Variants in PIKFYVE observed in about 807,000 individuals in gnomAD.
The protein encoded by PIKFYVE is phosphoinositide kinase, FYVE-type zinc finger containing.
In PIKFYVE, 122 loss-of-function variants were observed where a neutral mutation model predicts 257.9. The ratio of observed to expected loss-of-function variants is 0.47; its 90% CI spans 0.41 to 0.55. The LOEUF (loss-of-function observed/expected upper bound fraction) is 0.55, where lower values mean the gene tolerates loss of function less well. Among genes scored for constraint, PIKFYVE ranks in the 20% least tolerant of loss-of-function variants. The pLI is 0.00. For synonymous variants in PIKFYVE, 892 were observed against 868.9 expected, an observed-to-expected ratio of 1.03 and a Z score of -0.47; for missense variants, 2,160 against 2,536.6, an observed-to-expected ratio of 0.85 and a Z score of 3.19.
At chr2:208,288,930 T>G in intron 7 of PIKFYVE, 112 bp downstream of exon 7, 1 of 1,324,818 alleles carries the variant, frequency 7.5e-7, no homozygotes. Flanking sequence ...CTTCCGTAGC[T>G]CTAAAAGCTG....
chr2:208,333,271 A>G (rs369961379), intron 23 of PIKFYVE, 44 bp from the exon 24 acceptor site: 26 of 1,555,766 alleles, frequency 1.7e-5, no homozygotes, highest in Non-Finnish European at 2.3e-5. Context: ...TGAAAAAGAG[A>G]TTCTCAATAT....
At chr2:208,274,207 G>T (rs904068096) in intron 3 of PIKFYVE, among the ~76,000 whole-genome samples, 3 of 152,174 alleles carry the variant, frequency 2.0e-5, no homozygotes, top group African/African-American at 4.8e-5. Context: ...CAAACTGTCA[G>T]TGTGGCTGAA....
At chr2:208,291,284 G>A (rs1205007301) in intron 7 of PIKFYVE, among the ~76,000 whole-genome samples, 1 of 152,120 alleles carries the variant, frequency 6.6e-6, no homozygotes, top group African/African-American at 2.4e-5. Context: ...GTAACTTGAT[G>A]TGATGGGTTA....
chr2:208,276,952 C>A, intron 4 of PIKFYVE, 122 bp downstream of exon 4: 1 of 730,932 alleles, frequency 1.4e-6, no homozygotes, highest in Non-Finnish European at 2.3e-6. Context: ...CAGCTGTGAG[C>A]ACCCTATTTT....
intron 2 of PIKFYVE, 73 bp downstream of exon 2, chr2:208,271,764 CA>C: frequency 7.1e-7 from 1 of 1,418,040 alleles, no homozygotes; most frequent in South Asian, 1.2e-5. Context: ...TCCAGTGGCT[CA>C]CCATGATCAT....
intron 31 of PIKFYVE, 35 bp downstream of exon 31, chr2:208,340,166 G>A: frequency 1.2e-6 from 2 of 1,610,780 alleles, no homozygotes; most frequent in Non-Finnish European, 1.7e-6. Flanking sequence ...TCTTAGCAGG[G>A]GGGTTATTTT....
In PIKFYVE at chr2:208,328,085, T is replaced by C. The variant is rs182837124; in HGVS notation, c.3619-95T>C. 1.5e-3 allele frequency: 2,459 copies of C among 1,597,634 alleles called. 7 individuals carry two copies. Among genetic ancestry groups the C allele is most frequent in the Non-Finnish European group, 1.8e-3 (2,124 of 1,171,908 alleles). On this transcript the variant is annotated intron_variant, in intron 20 of 41. Coordinates refer to ENST00000264380, the MANE Select transcript of PIKFYVE (RefSeq NM_015040.4). ...TTGACCAGAGCCCCCACAGTGATAA[T>C]TGGAGGCTTTACAAATAGAGTGGAG... is the stretch of plus-strand genomic sequence containing the variant.
intron 5 of PIKFYVE, among the ~76,000 whole-genome samples, chr2:208,282,897 G>A (rs559405321): frequency 7.2e-5 from 11 of 152,228 alleles, no homozygotes; most frequent in South Asian, 2.1e-4. Context: ...TTAGATTCTC[G>A]TAAGGAACGT....
At chr2:208,342,317 T>C (rs1698787610) in intron 31 of PIKFYVE, among the ~76,000 whole-genome samples, 1 of 152,202 alleles carries the variant, frequency 6.6e-6, no homozygotes, top group Non-Finnish European at 1.5e-5. Context: ...TTGAGATTAG[T>C]GTGGCCAGAG....
At chr2:208,329,283 G>GTC (rs1178997954) in intron 21 of PIKFYVE, among the ~76,000 whole-genome samples, 1 of 152,152 alleles carries the variant, frequency 6.6e-6, no homozygotes, top group Non-Finnish European at 1.5e-5. Flanking sequence ...TCTTCTAGTA[G>GTC]TATAGCTTCA....
chr2:208,354,097 T>C lies in PIKFYVE; in HGVS notation c.6044T>C (p.Ile2015Thr). The C allele has an allele frequency of 6.2e-7, 1 of 1,613,998 alleles. No homozygotes were observed. The highest frequency in any genetic ancestry group is 8.5e-7 in the Non-Finnish European group (1 of 1,179,914). Residue 2015 changes from isoleucine to threonine, a missense_variant, in exon 40 of 42, where the codon ATA becomes ACA. Transcript: ENST00000264380. ...DSHFLSSHLI[I>T]DYSLLVGRDD... ...CATTTCCTTTCTAGCCACCTCATTA[T>C]AGATTATTCTTTGCTGGTTGGGCGA...
chr2:208,326,403 C>A lies in PIKFYVE; in HGVS notation c.3592C>A (p.Leu1198Met). The A allele has an allele frequency of 1.2e-6, 2 of 1,614,002 alleles. No homozygotes were observed. Among genetic ancestry groups the A allele is most frequent in the Non-Finnish European group, 8.5e-7 (1 of 1,179,952 alleles). The change falls in exon 20 of 42, where the codon CTG (leucine) becomes ATG (methionine). Residue 1198 changes from leucine (L) to methionine (M), a missense_variant. By Grantham distance (15) the Leu-to-Met change is conservative (BLOSUM62 2). Transcript: ENST00000264380. The stretch of plus-strand genomic sequence containing the variant: ...GGGTGATGAAGAGAGAGGGCTTATT[C>A]TGAGTGATGCTGTGTGGTCAACAAA... ...NEGDEERGLI[L>M]SDAVWSTKVD... is the part of the protein sequence containing the mutation.
chr2:208,351,618 A>G (rs531187758), intron 38 of PIKFYVE, among the ~76,000 whole-genome samples, 163 bp downstream of exon 38: 45 of 152,300 alleles, frequency 3.0e-4, no homozygotes, highest in African/African-American at 1.0e-3. Context: ...CAGGCTGTGT[A>G]TACAAAGCAT....
At chr2:208,350,109 G>A (rs766377392) in intron 36 of PIKFYVE, 26 bp downstream of exon 36, 2 of 1,611,636 alleles carry the variant, frequency 1.2e-6, no homozygotes, top group Admixed American at 3.3e-5. Context: ...TATATCATTG[G>A]TTTGGGGAGA....
At chr2:208,338,459 A>G in intron 28 of PIKFYVE, 49 bp from the exon 29 acceptor site, 11 of 1,579,466 alleles carry the variant, frequency 7.0e-6, no homozygotes, top group Non-Finnish European at 8.7e-6. Flanking sequence ...AATTTTTTGA[A>G]TGTGATTTTC....
chr2:208,346,111 C>G lies in PIKFYVE; in HGVS notation c.5173C>G (p.Gln1725Glu). The change falls in exon 34 of 42, where the codon CAG becomes GAG. Residue 1725 changes from glutamine (Q) to glutamate (E), a missense_variant. Physicochemically the swap from Gln to Glu is conservative, Grantham distance 29 (BLOSUM62 2). Around this residue, in one of 12 missense-constraint regions of PIKFYVE, gnomAD observed 699 missense variants for 855.8 expected, o/e 0.82. Coordinates refer to ENST00000264380, the MANE Select transcript of PIKFYVE (RefSeq NM_015040.4). Reference protein sequence around the residue: ...PIRLPEMSGGQTNRTTETEPQ... With the variant: ...PIRLPEMSGGETNRTTETEPQ... ...CAGATTACCTGAAATGAGTGGAGGA[C>G]AGACAAATCGTACAACAGAAACAGA... The G allele has an allele frequency of 6.2e-7, 1 of 1,613,038 alleles. No individual in the cohort carries two copies. Among genetic ancestry groups the G allele is most frequent in the Middle Eastern group, 1.7e-4 (1 of 6,056 alleles).
At position 208,304,910 on chromosome 2, in the gene PIKFYVE, A is replaced by T. The variant is rs1241968614; in HGVS notation, c.1533A>T (p.Ser511=). 3.7e-6 allele frequency: 6 copies of T among 1,614,074 alleles called. No individual in the cohort carries two copies. The highest frequency in any genetic ancestry group is 1.7e-5 in the Admixed American group (1 of 60,000). The change falls in exon 12 of 42, where the codon TCA becomes TCT. Residue 511 remains serine (S), a synonymous_variant. Coordinates refer to ENST00000264380, the MANE Select transcript of PIKFYVE (RefSeq NM_015040.4). ...SSFQSTVDSD[S]AASISLNVEL... is the part of the protein sequence containing the mutation. ...TCCAGTCCACAGTGGACAGTGACTC[A>T]GCCGCTTCTATCAGCCTGAACGTGG...
chr2:208,302,236 A>C lies in PIKFYVE; in HGVS notation c.1209-6A>C, dbSNP rs1693783860. On this transcript the variant is annotated splice_region_variant and splice_polypyrimidine_tract_variant and intron_variant, in intron 9 of 41. Transcript: ENST00000264380. ...AAACTTTTCATTTTTGTGGGTCTTG[A>C]TTCAGGGCACAAGCTATAGCAATTG... 1 of 1,613,816 alleles carries C rather than the reference A, an allele frequency of 6.2e-7. No homozygotes were observed. Among genetic ancestry groups the C allele is most frequent in the Non-Finnish European group, 8.5e-7 (1 of 1,179,762 alleles).
Position 208,277,586 on chromosome 2 carries a change from G to A in PIKFYVE, c.491G>A (p.Cys164Tyr), listed in dbSNP as rs201440509. 2 of 1,613,790 alleles carry A rather than the reference G, an allele frequency of 1.2e-6. No individual in the cohort carries two copies. The highest frequency in any genetic ancestry group is 1.7e-6 in the Non-Finnish European group (2 of 1,179,810). The change falls in exon 5 of 42, where the codon TGC becomes TAC. Residue 164 changes from cysteine (C) to tyrosine (Y), a missense_variant. Cys to Tyr is a radical substitution (Grantham distance 194). Transcript: ENST00000264380. ...ATGCCAGATAGCCAATGTAAAGAGT[G>A]CTATGACTGTAGTGAGAAATTTACA... ...YWMPDSQCKECYDCSEKFTTF... is the reference protein window; with the variant it reads ...YWMPDSQCKEYYDCSEKFTTF...
Sources: gnomAD v4.1 joint callset for allele counts (sites outside exome capture counted in the v4.1 genomes callset) on GRCh38, gnomAD v4.1.1 for gene constraint, gnomAD v4.1.1 regional missense constraint, MANE v1.5 for transcripts, NCBI Gene and HGNC (gene_info 2026-07-23, HGNC 2026-07-21) for gene names.